HIVEP1: variants seen among roughly 807,000 people sequenced by gnomAD.
HIVEP1 encodes zinc finger protein 40.
Under a neutral mutation model 180.0 loss-of-function variants are expected in HIVEP1, and 36 were observed. The ratio of observed to expected loss-of-function variants is 0.20; its 90% confidence interval spans 0.15 to 0.26. The LOEUF (loss-of-function observed/expected upper bound fraction) is 0.26, where lower values mean the gene tolerates loss of function less well. HIVEP1 is among the 10% of genes least tolerant of loss of function. The pLI, the probability that HIVEP1 is intolerant of heterozygous loss-of-function variation, is 1.00. For missense variants in HIVEP1, 3,143 were observed against 3,268.7 expected, an observed-to-expected ratio of 0.96 and a Z score of 0.94; for synonymous variants, 1,239 against 1,239.0, an observed-to-expected ratio of 1.00 and a Z score of 0.00.
rs115241907 is a variant in HIVEP1 at position 12,072,818 on chromosome 6, A to G, written c.41-16366A>G. ...TATTTCCATTCTTTTTAGAGTTTCT[A>G]TATCTCTTCTGAAATCTTCTACTCT... On this transcript the variant is annotated intron_variant, in intron 2 of 8. Coordinates refer to ENST00000379388, the MANE Select transcript of HIVEP1 (RefSeq NM_002114.4). Among the ~76,000 whole-genome samples the G allele has an allele frequency of 6.6e-3, 999 of 152,120 alleles. 9 individuals carry two copies. The highest frequency in any genetic ancestry group is 0.023 in the African/African-American group (944 of 41,484).
chr6:12,202,512 G>A, the HIVEP1 span, among the ~76,000 whole-genome samples: 1 of 152,110 alleles, frequency 6.6e-6, no homozygotes, highest in Non-Finnish European at 1.5e-5. Context: ...GTTGGAAATG[G>A]AAAAATGACT....
chr6:12,211,558 A>G, the HIVEP1 span, among the ~76,000 whole-genome samples: 3 of 151,720 alleles, frequency 2.0e-5, no homozygotes, highest in African/African-American at 4.8e-5. Context: ...ATATAAACAC[A>G]TATGTATATT....
chr6:12,127,800 A>G (rs1758177002), intron 4 of HIVEP1, among the ~76,000 whole-genome samples: 1 of 152,242 alleles, frequency 6.6e-6, no homozygotes, highest in Non-Finnish European at 1.5e-5. Flanking sequence ...CACAAAACAC[A>G]GAAGAAGATA....
At chr6:12,012,100 G>C (rs1767367085), upstream of HIVEP1, 2 of 146,228 alleles carry the variant, frequency 1.4e-5, no homozygotes, top group South Asian at 3.7e-4. Context: ...CGCGGCCCCA[G>C]GGTCTGTCCG....
intron 3 of HIVEP1, among the ~76,000 whole-genome samples, chr6:12,108,550 T>C (rs1041006095): frequency 6.6e-6 from 1 of 152,182 alleles, no homozygotes; most frequent in Non-Finnish European, 1.5e-5. Context: ...AGGCAGCTAA[T>C]GCCCGGCGAG....
chr6:12,108,729 T>G (rs1219648220), intron 3 of HIVEP1, among the ~76,000 whole-genome samples: 1 of 152,140 alleles, frequency 6.6e-6, no homozygotes, highest in Non-Finnish European at 1.5e-5. Context: ...CCAGCTGGCC[T>G]GCAAGCGCCG....
chr6:12,183,043 G>T, the HIVEP1 span, among the ~76,000 whole-genome samples: 1 of 152,160 alleles, frequency 6.6e-6, no homozygotes, highest in African/African-American at 2.4e-5. Context: ...TCATGGGGGA[G>T]TCTGTATCAC....
At chr6:12,095,700 T>G (rs1394161678) in intron 3 of HIVEP1, among the ~76,000 whole-genome samples, 4 of 151,978 alleles carry the variant, frequency 2.6e-5, no homozygotes, top group Non-Finnish European at 4.4e-5. Context: ...GAGCATTTTA[T>G]AAGTAAATTA....
At chr6:12,020,912 A>AC (rs372708499) in intron 2 of HIVEP1, among the ~76,000 whole-genome samples, 1,314 of 21,768 alleles carry the variant, frequency 0.06, 14 homozygotes, top group African/African-American at 0.11. Context: ...TTTTTTTGAG[A>AC]CGGAGTCTCA....
chr6:12,035,410 A>G (rs1284403214), intron 2 of HIVEP1, among the ~76,000 whole-genome samples: 1 of 152,230 alleles, frequency 6.6e-6, no homozygotes. Context: ...TAATGAAATA[A>G]GAATAGTTCA....
rs147930612 is a variant in HIVEP1, at chr6:12,073,852, G to A, written c.41-15332G>A. On this transcript the variant is annotated intron_variant, in intron 2 of 8. Coordinates refer to ENST00000379388, the MANE Select transcript of HIVEP1 (RefSeq NM_002114.4). ...TGGGAAGCCTCCTGAGCTGGCAGGC[G>A]GAAAAATAAGATGGTGCTGGGATCC... Among the ~76,000 whole-genome samples the A allele has an allele frequency of 8.5e-5, 13 of 152,124 alleles. No homozygotes were observed. The East Asian group carries it at 1.7e-3, about 20-fold the overall frequency.
intron 4 of HIVEP1, among the ~76,000 whole-genome samples, chr6:12,126,841 G>A (rs1316386828): frequency 1.3e-5 from 2 of 152,024 alleles, no homozygotes; most frequent in Non-Finnish European, 2.9e-5. Flanking sequence ...AAAAAATAGG[G>A]ATTTTTCAGG....
In HIVEP1 at chr6:12,029,818, ATAATT is replaced by A. The variant is rs558386303; in HGVS notation, c.40+14154_40+14158del. Among the ~76,000 whole-genome samples, 8 of 152,302 alleles carry A rather than the reference ATAATT, an allele frequency of 5.3e-5. No individual in the cohort carries two copies. The East Asian group carries it at 1.3e-3, about 26-fold the overall frequency. On this transcript the variant is annotated intron_variant, in intron 2 of 8. Transcript: ENST00000379388. Reference sequence around the variant, plus strand: ...CTCCTTTACACAATCTTTTTTAAAAATAATTTAAGAGAAGAAATGAGAAACATACT... The same window carrying A: ...CTCCTTTACACAATCTTTTTTAAAAATAAGAGAAGAAATGAGAAACATACT...
At chr6:12,184,018 TA>T in the HIVEP1 span, among the ~76,000 whole-genome samples, 1 of 129,934 alleles carries the variant, frequency 7.7e-6, no homozygotes, top group Admixed American at 7.9e-5. Context: ...GATAGATAGA[TA>T]GATAGACAGA....
At chr6:12,127,029 A>G (rs994856180) in intron 4 of HIVEP1, among the ~76,000 whole-genome samples, 4 of 151,964 alleles carry the variant, frequency 2.6e-5, no homozygotes, top group Non-Finnish European at 5.9e-5. Flanking sequence ...GGCTTTTTGT[A>G]TTTTTGGTAG....
chr6:12,115,347 A>ATTAT (rs1775145972), intron 3 of HIVEP1, among the ~76,000 whole-genome samples: 3 of 73,454 alleles, frequency 4.1e-5, no homozygotes, highest in Non-Finnish European at 7.5e-5. Flanking sequence ...TTCCCCAACT[A>ATTAT]TTCTTTTTTT....
chr6:12,047,492 C>T (rs549308428), intron 2 of HIVEP1, among the ~76,000 whole-genome samples: 40 of 152,334 alleles, frequency 2.6e-4, no homozygotes, highest in African/African-American at 8.2e-4. Flanking sequence ...CCTCGTGGTC[C>T]CCACGGTGCT....
In HIVEP1 at chr6:12,108,799, G is replaced by A. The variant is rs1436849440; in HGVS notation, c.95-11091G>A. ...CCACACCTCCCTGCAAGCTGAGGGA[G>A]CCGGCTCTGGCCTTGGCCAGCCCAG... On this transcript the variant is annotated intron_variant, in intron 3 of 8. Coordinates refer to ENST00000379388, the MANE Select transcript of HIVEP1 (RefSeq NM_002114.4). 2.0e-5 allele frequency among the ~76,000 whole-genome samples: 3 copies of A among 152,280 alleles called. No homozygotes were observed. The East Asian group carries it at 5.8e-4, about 30-fold the overall frequency.
At chr6:12,146,650 A>T (rs80143606) in intron 7 of HIVEP1, among the ~76,000 whole-genome samples, 3,228 of 152,278 alleles carry the variant, frequency 0.021, 123 homozygotes, top group African/African-American at 0.074. Context: ...GATTACTAGA[A>T]GGTAATTCAA....
Sources: gnomAD v4.1 joint callset for allele counts (sites outside exome capture counted in the v4.1 genomes callset) on GRCh38, gnomAD v4.1.1 for gene constraint, MANE v1.5 for transcripts, NCBI Gene and HGNC (gene_info 2026-07-23, HGNC 2026-07-21) for gene names.